The following SCAPER variants were observed in gnomAD, a reference collection of about 807,000 sequenced individuals.
SCAPER encodes the protein S-phase cyclin A associated protein in the ER.
In SCAPER, 98 loss-of-function variants were observed where a neutral mutation model predicts 182.2. The observed-to-expected ratio is 0.54, with a 90% CI of 0.46 to 0.64. The LOEUF (loss-of-function observed/expected upper bound fraction) is 0.64. Ranked by LOEUF, SCAPER falls within the 30% of genes least tolerant of loss-of-function variation. SCAPER has a pLI of 0.00. For missense variants in SCAPER, 1,432 were observed against 1,690.0 expected (o/e 0.85, Z 2.68); for synonymous variants, 605 against 564.6 (o/e 1.07, Z -1.01).
chr15:76,407,604 A>C (rs2044956196), intron 26 of SCAPER, among the ~76,000 whole-genome samples: 1 of 152,226 alleles, frequency 6.6e-6, no homozygotes, highest in South Asian at 2.1e-4. Flanking sequence ...ATAGTAAAGA[A>C]AAGCAGAAAA....
intron 25 of SCAPER, among the ~76,000 whole-genome samples, chr15:76,456,514 T>A (rs1386539155): frequency 6.6e-6 from 1 of 152,224 alleles, no homozygotes; most frequent in Non-Finnish European, 1.5e-5. Flanking sequence ...GTCCAGCATA[T>A]AGTGTATCTT....
At chr15:76,596,106 T>C (rs1418974720) in intron 22 of SCAPER, among the ~76,000 whole-genome samples, 3 of 119,920 alleles carry the variant, frequency 2.5e-5, no homozygotes, top group African/African-American at 7.6e-5. Flanking sequence ...ATAGGCACAA[T>C]AAACAATGAC....
intron 24 of SCAPER, among the ~76,000 whole-genome samples, chr15:76,486,878 A>G (rs919379543): frequency 2.6e-5 from 4 of 152,254 alleles, no homozygotes; most frequent in African/African-American, 9.6e-5. Context: ...TCTATTGGAA[A>G]GACACATGCA....
chr15:76,782,086 A>G (rs528373751), intron 8 of SCAPER, among the ~76,000 whole-genome samples: 5 of 152,228 alleles, frequency 3.3e-5, no homozygotes, highest in Non-Finnish European at 5.9e-5. Flanking sequence ...TAAAAGACAC[A>G]GACTGGCAAA....
intron 15 of SCAPER, among the ~76,000 whole-genome samples, chr15:76,752,969 G>A (rs2062186385): frequency 6.6e-6 from 1 of 151,752 alleles, no homozygotes; most frequent in Non-Finnish European, 1.5e-5. Flanking sequence ...GTGTAACTGT[G>A]TCAAGTGCTG....
At chr15:76,535,545 AAAG>A (rs2044080442) in intron 23 of SCAPER, among the ~76,000 whole-genome samples, 4 of 149,048 alleles carry the variant, frequency 2.7e-5, no homozygotes, top group South Asian at 2.1e-4. Context: ...AAAAAAAAAA[AAAG>A]AAATTCTAAT....
At chr15:76,493,451 T>A (rs1388263212) in intron 24 of SCAPER, among the ~76,000 whole-genome samples, 1 of 152,190 alleles carries the variant, frequency 6.6e-6, no homozygotes, top group Non-Finnish European at 1.5e-5. Context: ...AAATCATATA[T>A]ATTTTAAACA....
chr15:76,405,241 G>A (rs888061201), intron 26 of SCAPER, among the ~76,000 whole-genome samples: 4 of 150,760 alleles, frequency 2.7e-5, no homozygotes, highest in Non-Finnish European at 4.4e-5. Context: ...AGTCTCGCAA[G>A]TAGTTGGGAC....
chr15:76,377,525 C>T (rs983800375), intron 28 of SCAPER, among the ~76,000 whole-genome samples: 44 of 152,238 alleles, frequency 2.9e-4, no homozygotes, highest in Middle Eastern at 3.4e-3. Context: ...ACTATATTTC[C>T]TTTTTAGCCA....
intron 17 of SCAPER, among the ~76,000 whole-genome samples, chr15:76,706,563 G>A (rs937609820): frequency 6.6e-6 from 1 of 152,220 alleles, no homozygotes; most frequent in East Asian, 1.9e-4. Context: ...TTAAAATACA[G>A]CAGATCTCCA....
chr15:76,781,045 T>C (rs886315234), intron 8 of SCAPER, among the ~76,000 whole-genome samples: 4 of 152,082 alleles, frequency 2.6e-5, no homozygotes, highest in African/African-American at 7.2e-5. Flanking sequence ...CTTTGACGAG[T>C]TGACAGAAGT....
intron 21 of SCAPER, among the ~76,000 whole-genome samples, chr15:76,642,069 A>G (rs533510359): frequency 6.6e-6 from 1 of 152,354 alleles, no homozygotes; most frequent in East Asian, 1.9e-4. Flanking sequence ...GGAATCAATT[A>G]GAAAATGGTT....
At chr15:76,533,373 G>C (rs2043843301) in intron 23 of SCAPER, among the ~76,000 whole-genome samples, 1 of 152,042 alleles carries the variant, frequency 6.6e-6, no homozygotes, top group Non-Finnish European at 1.5e-5. Context: ...TCTATGTTTA[G>C]ATATGTTTAA....
intron 29 of SCAPER, among the ~76,000 whole-genome samples, chr15:76,374,546 G>A (rs1474027019): frequency 2.0e-5 from 3 of 148,750 alleles, no homozygotes; most frequent in Non-Finnish European, 1.5e-5. Context: ...GCAATGGCGC[G>A]ATCTCGGCTC....
At chr15:76,721,334 T>C (rs1261917800) in intron 17 of SCAPER, among the ~76,000 whole-genome samples, 3 of 151,990 alleles carry the variant, frequency 2.0e-5, no homozygotes, top group South Asian at 2.1e-4. Flanking sequence ...TGTAGCCTTG[T>C]AGTATAGTTT....
At chr15:76,405,108 A>G (rs943094788) in intron 26 of SCAPER, among the ~76,000 whole-genome samples, 2 of 113,206 alleles carry the variant, frequency 1.8e-5, no homozygotes, top group African/African-American at 3.3e-5. Context: ...TACAACTTAC[A>G]CTTTTTTTTT....
intron 4 of SCAPER, among the ~76,000 whole-genome samples, chr15:76,842,661 C>T (rs1175603693): frequency 6.6e-6 from 1 of 152,174 alleles, no homozygotes; most frequent in Non-Finnish European, 1.5e-5. Context: ...CCCATGGATA[C>T]TGAGGAACAA....
intron 27 of SCAPER, among the ~76,000 whole-genome samples, chr15:76,385,447 G>T (rs994566710): frequency 5.9e-5 from 9 of 152,106 alleles, no homozygotes; most frequent in Non-Finnish European, 7.4e-5. Flanking sequence ...CTTCATTTTG[G>T]AATCCCTGAG....
chr15:76,732,958 T>C (rs138839937), intron 16 of SCAPER, among the ~76,000 whole-genome samples: 2,329 of 152,294 alleles, frequency 0.015, 25 homozygotes, highest in Middle Eastern at 0.027. Flanking sequence ...TTACGTATCA[T>C]TGGAGATGGC....
Sources: allele counts gnomAD v4.1 joint callset (sites outside exome capture counted in the v4.1 genomes callset), GRCh38; gene constraint gnomAD v4.1.1; transcripts MANE v1.5; gene names NCBI Gene and HGNC (gene_info 2026-07-23, HGNC 2026-07-21).